The following DOCK9 variants were observed in gnomAD, a reference collection of about 807,000 sequenced individuals.
DOCK9 encodes dedicator of cytokinesis protein 9.
In DOCK9, 89 loss-of-function variants were observed where a neutral mutation model predicts 263.3. The ratio of observed to expected loss-of-function variants is 0.34; its 90% CI spans 0.28 to 0.40. DOCK9 has a LOEUF of 0.40. Ranked by LOEUF, DOCK9 falls within the 10% of genes least tolerant of loss-of-function variation. The pLI is 1.00. For missense variants in DOCK9, 2,140 were observed against 2,603.4 expected, an observed-to-expected ratio of 0.82 and a Z score of 3.87; for synonymous variants, 976 against 973.1, an observed-to-expected ratio of 1.00 and a Z score of -0.06.
rs773484966 is a variant in DOCK9, at chr13:98,805,029, C to T, written c.5695G>A (p.Glu1899Lys). Reference protein sequence around the residue: ...QTGKRQGGVEEQCKRRTILTA... With the variant: ...QTGKRQGGVEKQCKRRTILTA... ...AGGATGGTGCGCCGTTTGCACTGCT[C>T]TTCCACCCCGCCCTGCCTCTTCCCG... is the stretch of plus-strand genomic sequence containing the variant. Residue 1899 changes from glutamate (E) to lysine (K), a missense_variant, in exon 49 of 53, where the codon GAG (glutamate) becomes AAG (lysine). Transcript: ENST00000682017. The T allele has an allele frequency of 1.9e-6, 3 of 1,609,654 alleles. No individual in the cohort carries two copies. The highest frequency in any genetic ancestry group is 2.5e-6 in the Non-Finnish European group (3 of 1,178,102).
intron 3 of DOCK9, among the ~76,000 whole-genome samples, chr13:98,927,821 A>G (rs1306465834): frequency 6.6e-6 from 1 of 151,896 alleles, no homozygotes; most frequent in Non-Finnish European, 1.5e-5. Flanking sequence ...GGGTTTCACA[A>G]TGTTGGTCAG....
intron 19 of DOCK9, among the ~76,000 whole-genome samples, chr13:98,886,049 T>C (rs1388173284): frequency 6.6e-6 from 1 of 152,190 alleles, no homozygotes; most frequent in East Asian, 1.9e-4. Context: ...TGATGGTATT[T>C]CTAGGAAGAA....
At chr13:99,013,258 C>T (rs11620380) in intron 1 of DOCK9, among the ~76,000 whole-genome samples, 1 of 152,074 alleles carries the variant, frequency 6.6e-6, no homozygotes, top group South Asian at 2.1e-4. Context: ...TGTGTGTCAA[C>T]ATATGTCTGG....
Position 99,014,458 on chromosome 13 carries a change from G to A in DOCK9, c.130-58907C>T, listed in dbSNP as rs375742433. ...CTCCTTTCTTCCTCCCACATATTGC[G>A]AGTGCTAACATAAGACCCTCCATAA... On this transcript the variant is annotated intron_variant, in intron 1 of 32. Coordinates refer to the DOCK9 transcript ENST00000427887. 4.1e-4 allele frequency among the ~76,000 whole-genome samples: 63 copies of A among 152,180 alleles called. 2 individuals carry two copies. The South Asian group carries it at 0.012, about 30-fold the overall frequency.
At chr13:99,018,873 G>C (rs1885740196) in intron 1 of DOCK9, among the ~76,000 whole-genome samples, 1 of 152,112 alleles carries the variant, frequency 6.6e-6, no homozygotes, top group Non-Finnish European at 1.5e-5. Flanking sequence ...AATTTATACA[G>C]CTCCTAAGAC....
intron 1 of DOCK9, among the ~76,000 whole-genome samples, chr13:98,961,088 G>A (rs1595671646): frequency 6.6e-6 from 1 of 152,216 alleles, no homozygotes; most frequent in Non-Finnish European, 1.5e-5. Context: ...GCTCAACGTA[G>A]TGAGAGGTAC....
At chr13:98,811,256 A>G (rs1457331759) in intron 45 of DOCK9, among the ~76,000 whole-genome samples, 1 of 152,112 alleles carries the variant, frequency 6.6e-6, no homozygotes, top group East Asian at 1.9e-4. Context: ...TAATTTGTTG[A>G]TTTGTTATAT....
intron 1 of DOCK9, among the ~76,000 whole-genome samples, chr13:99,010,224 A>G (rs1884240827): frequency 6.6e-6 from 1 of 152,254 alleles, no homozygotes; most frequent in Non-Finnish European, 1.5e-5. Context: ...TGGCAAAAAC[A>G]GAACATGTTG....
At chr13:98,910,843 C>G (rs2049888343) in intron 9 of DOCK9, among the ~76,000 whole-genome samples, 1 of 152,116 alleles carries the variant, frequency 6.6e-6, no homozygotes, top group Admixed American at 6.5e-5. Context: ...TGGGTAAACT[C>G]CTTGCACAGT....
intron 15 of DOCK9, among the ~76,000 whole-genome samples, chr13:98,890,509 A>G (rs2046455583): frequency 6.6e-6 from 1 of 152,196 alleles, no homozygotes; most frequent in South Asian, 2.1e-4. Context: ...CTAGTTCAAC[A>G]CGATATGACT....
At chr13:98,993,782 T>G (rs1880370490) in intron 1 of DOCK9, among the ~76,000 whole-genome samples, 1 of 108,056 alleles carries the variant, frequency 9.3e-6, no homozygotes, top group Non-Finnish European at 2.0e-5. Context: ...AAGTTTATAT[T>G]GTAAATAATA....
At chr13:98,902,912 G>A (rs1356203997) in intron 11 of DOCK9, 60 bp downstream of exon 11, 11 of 1,403,156 alleles carry the variant, frequency 7.8e-6, no homozygotes, top group Non-Finnish European at 1.0e-5. Flanking sequence ...CACTGTAAAG[G>A]TACATCTGAA....
At chr13:99,078,030 T>C (rs2041979957) in intron 1 of DOCK9, among the ~76,000 whole-genome samples, 2 of 151,984 alleles carry the variant, frequency 1.3e-5, no homozygotes, top group Non-Finnish European at 2.9e-5. Context: ...GATTTCATAG[T>C]TGGTGATGAA....
chr13:99,022,674 T>C (rs1886255668), intron 1 of DOCK9, among the ~76,000 whole-genome samples: 1 of 152,156 alleles, frequency 6.6e-6, no homozygotes, highest in Non-Finnish European at 1.5e-5. Context: ...CAGCCAGAAA[T>C]GCTAGCACCT....
In DOCK9 at chr13:98,794,640, A is replaced by G. The variant is rs1016953910; in HGVS notation, c.6265T>C (p.Ser2089Pro). 1 of 1,605,716 alleles carries G rather than the reference A, an allele frequency of 6.2e-7. No individual in the cohort carries two copies. Among genetic ancestry groups the G allele is most frequent in the African/African-American group, 1.3e-5 (1 of 74,930 alleles). Reference sequence around the variant, plus strand: ...ATGAGATGTAATCACACGACCGAAGACGAGCTGGTCATCCCGTGAACCATT... The same window carrying G: ...ATGAGATGTAATCACACGACCGAAGGCGAGCTGGTCATCCCGTGAACCATT... ...STMVHGMTSS[S>P]SVV Residue 2089 changes from serine (S) to proline (P), a missense_variant, in exon 53 of 53, where the codon TCT (serine) becomes CCT (proline). Physicochemically the swap from Ser to Pro is moderately conservative, Grantham distance 74. Coordinates refer to ENST00000682017, the MANE Select transcript of DOCK9 (RefSeq NM_001366683.2).
chr13:99,014,005 G>A (rs74677955), intron 1 of DOCK9, among the ~76,000 whole-genome samples: 2,395 of 152,330 alleles, frequency 0.016, 63 homozygotes, highest in African/African-American at 0.054. Flanking sequence ...AGAGTGGTGG[G>A]CAAAGAGCAG....
chr13:98,852,794 G>A (rs1284474005), intron 35 of DOCK9, among the ~76,000 whole-genome samples: 1 of 152,208 alleles, frequency 6.6e-6, no homozygotes, highest in Non-Finnish European at 1.5e-5. Context: ...ACACACATTT[G>A]CAAGCCTTAT....
intron 1 of DOCK9, among the ~76,000 whole-genome samples, chr13:98,995,520 G>A (rs1209375076): frequency 7.1e-5 from 9 of 126,622 alleles, no homozygotes; most frequent in African/African-American, 1.5e-4. Flanking sequence ...ACAGAGTCTC[G>A]CTCTGTCCCC....
intron 1 of DOCK9, among the ~76,000 whole-genome samples, chr13:99,054,075 T>G (rs905936630): frequency 6.6e-6 from 1 of 152,236 alleles, no homozygotes; most frequent in African/African-American, 2.4e-5. Flanking sequence ...TGTCTTCCTT[T>G]TCCACTGTAA....
Sources: allele counts gnomAD v4.1 joint callset (sites outside exome capture counted in the v4.1 genomes callset), GRCh38; gene constraint gnomAD v4.1.1; transcripts MANE v1.5; gene names NCBI Gene and HGNC (gene_info 2026-07-23, HGNC 2026-07-21).